ALK: variants seen among roughly 807,000 people sequenced by gnomAD.
ALK encodes ALK receptor tyrosine kinase.
A neutral mutation model predicts 163.1 loss-of-function variants in ALK; 74 were observed. The observed-to-expected ratio is 0.45, with a 90% CI of 0.38 to 0.55. The LOEUF is 0.55. Among genes scored for constraint, ALK ranks in the 20% least tolerant of loss-of-function variants. The pLI, the probability that ALK is intolerant of heterozygous loss-of-function variation, is 0.00. For missense variants in ALK, 2,063 were observed against 2,105.3 expected (o/e 0.98, Z 0.39); for synonymous variants, 960 against 843.2 (o/e 1.14, Z -2.40).
At chr2:29,626,904 G>C (rs1157570039) in intron 3 of ALK, among the ~76,000 whole-genome samples, 2 of 152,182 alleles carry the variant, frequency 1.3e-5, no homozygotes, top group African/African-American at 4.8e-5. Context: ...GGGCTCCAGA[G>C]GCCTGCAGTG....
rs1418825222 is a variant in ALK, at chr2:29,362,262, ATTTCCTTCCTTCTCTT to A, written c.1282+21454_1282+21469del. 5.3e-5 allele frequency among the ~76,000 whole-genome samples: 8 copies of A among 152,292 alleles called. No homozygotes were observed. In the East Asian group the frequency reaches 1.5e-3, roughly 29 times the overall value. On this transcript the variant is annotated intron_variant, in intron 5 of 28. Transcript: ENST00000389048. ...GAAGTTCTGGAAGTTGGAGAAATTC[ATTTCCTTCCTTCTCTT>A]TTTCCTTCCTTCCTTCTTTCTTTCC... is the stretch of plus-strand genomic sequence containing the variant.
intron 1 of ALK, among the ~76,000 whole-genome samples, chr2:29,743,461 T>A (rs1369793544): frequency 6.6e-6 from 1 of 152,070 alleles, no homozygotes; most frequent in Non-Finnish European, 1.5e-5. Context: ...GCAACAGACT[T>A]CAAAAGAAAA....
chr2:29,397,736 C>A (rs1669344617), intron 4 of ALK, among the ~76,000 whole-genome samples: 1 of 152,314 alleles, frequency 6.6e-6, no homozygotes, highest in Non-Finnish European at 1.5e-5. Context: ...TTACCTCTGC[C>A]TCCCAGATGA....
At chr2:29,890,861 C>T (rs1165020355) in intron 1 of ALK, 1 of 152,134 alleles carries the variant, frequency 6.6e-6, no homozygotes, top group Non-Finnish European at 1.5e-5. Context: ...AAGGAAGCCC[C>T]CAACTCATAG....
intron 3 of ALK, among the ~76,000 whole-genome samples, chr2:29,563,970 G>GC (rs1280543302): frequency 6.6e-6 from 1 of 152,074 alleles, no homozygotes; most frequent in East Asian, 1.9e-4. Flanking sequence ...AACCTCAGCC[G>GC]CCTCCTTTTT....
chr2:29,442,072 G>A (rs756592734), intron 4 of ALK, among the ~76,000 whole-genome samples: 15 of 152,112 alleles, frequency 9.9e-5, no homozygotes, highest in Non-Finnish European at 1.9e-4. Context: ...TAGGTGCACC[G>A]AAGTGCACCC....
intron 1 of ALK, among the ~76,000 whole-genome samples, chr2:29,903,630 CA>C (rs1667471390): frequency 6.6e-6 from 1 of 152,120 alleles, no homozygotes; most frequent in African/African-American, 2.4e-5. Flanking sequence ...AACAGAAAAC[CA>C]TAACAAAGCA....
chr2:29,579,371 G>A (rs1674614037), intron 3 of ALK, among the ~76,000 whole-genome samples: 1 of 152,172 alleles, frequency 6.6e-6, no homozygotes, highest in East Asian at 1.9e-4. Context: ...AATAGTATCC[G>A]CTCTTCCTTT....
intron 3 of ALK, among the ~76,000 whole-genome samples, chr2:29,671,411 TAG>T (rs1246443972): frequency 6.6e-6 from 1 of 152,000 alleles, no homozygotes; most frequent in Non-Finnish European, 1.5e-5. Flanking sequence ...AGTTACAGAG[TAG>T]AGTTTCCATG....
intron 3 of ALK, among the ~76,000 whole-genome samples, chr2:29,570,077 A>C (rs1384426252): frequency 6.6e-6 from 1 of 152,238 alleles, no homozygotes; most frequent in Non-Finnish European, 1.5e-5. Context: ...CCTTAACAAC[A>C]GAGCCTCTGG....
At chr2:29,276,611 T>C (rs191624103) in intron 9 of ALK, among the ~76,000 whole-genome samples, 260 of 152,146 alleles carry the variant, frequency 1.7e-3, no homozygotes, top group Non-Finnish European at 3.0e-3. Flanking sequence ...CTGGGCAAAC[T>C]CCATATGGTA....
intron 3 of ALK, among the ~76,000 whole-genome samples, chr2:29,622,736 C>T (rs1676071794): frequency 6.6e-6 from 1 of 152,168 alleles, no homozygotes; most frequent in African/African-American, 2.4e-5. Flanking sequence ...CACCCCTCCT[C>T]TGCACATGCT....
chr2:29,227,541 C>T lies in ALK; in HGVS notation c.2914+33G>A, dbSNP rs766784159. 1 of 1,569,792 alleles carries T rather than the reference C, an allele frequency of 6.4e-7. No homozygotes were observed. The highest frequency in any genetic ancestry group is 1.7e-5 in the Admixed American group (1 of 59,938). ...AGCTTGGTGGGAGGACTGACCTAAG[C>T]AAGTTTGTTCTGCTGCCTGGCAGAG... On this transcript the variant is annotated intron_variant, in intron 17 of 28. Transcript: ENST00000389048. The surrounding 1 kb of genome is among the most constrained non-coding windows in gnomAD (Gnocchi z 4.4).
intron 1 of ALK, among the ~76,000 whole-genome samples, chr2:29,902,968 G>T (rs1667454572): frequency 6.6e-6 from 1 of 152,156 alleles, no homozygotes; most frequent in African/African-American, 2.4e-5. Context: ...CCTCAACCTG[G>T]TGGGGTTGGT....
chr2:29,822,106 C>A (rs1665064356), intron 1 of ALK, among the ~76,000 whole-genome samples: 1 of 152,300 alleles, frequency 6.6e-6, no homozygotes, highest in East Asian at 1.9e-4. Context: ...GGATTTTATG[C>A]ACATTTCTCC....
intron 1 of ALK, among the ~76,000 whole-genome samples, chr2:29,721,791 A>G (rs1474497069): frequency 6.6e-6 from 1 of 152,136 alleles, no homozygotes; most frequent in Non-Finnish European, 1.5e-5. Context: ...CCATCTTATA[A>G]AGAAAGAAAA....
At position 29,505,368 on chromosome 2, in the gene ALK, C is replaced by T. The variant is rs1426827391; in HGVS notation, c.1154+26547G>A. On this transcript the variant is annotated intron_variant, in intron 4 of 28. Transcript: ENST00000389048. ...AATGTGCTATCTCAAGATGATTGAACTATCTTTGGGGGCGGTGAGCTTCCT... is the reference window on the plus strand; with the variant it reads ...AATGTGCTATCTCAAGATGATTGAATTATCTTTGGGGGCGGTGAGCTTCCT... Among the ~76,000 whole-genome samples, 3 of 152,190 alleles carry T rather than the reference C, an allele frequency of 2.0e-5. No individual in the cohort carries two copies. In the East Asian group the frequency reaches 5.8e-4, roughly 29 times the overall value.
intron 1 of ALK, among the ~76,000 whole-genome samples, chr2:29,778,863 G>GA (rs953177434): frequency 6.6e-6 from 1 of 152,076 alleles, no homozygotes; most frequent in African/African-American, 2.4e-5. Flanking sequence ...ATGGAATAAA[G>GA]AAAACCTTAA....
At chr2:29,378,878 T>A (rs1382157176) in intron 5 of ALK, among the ~76,000 whole-genome samples, 1 of 152,034 alleles carries the variant, frequency 6.6e-6, no homozygotes, top group Admixed American at 6.6e-5. Context: ...GCCTGGCTAC[T>A]TTTTTTGTAT....
Sources: gnomAD v4.1 joint callset for allele counts (sites outside exome capture counted in the v4.1 genomes callset) on GRCh38, gnomAD v4.1.1 for gene constraint, Gnocchi (gnomAD v3.1) non-coding constraint, MANE v1.5 for transcripts, NCBI Gene and HGNC (gene_info 2026-07-23, HGNC 2026-07-21) for gene names.